PRKG1: variants seen among roughly 807,000 people sequenced by gnomAD.
PRKG1 encodes the protein protein kinase cGMP-dependent 1.
Under a neutral mutation model 88.1 loss-of-function variants are expected in PRKG1, and 35 were observed. The observed-to-expected ratio is 0.40, with a 90% CI of 0.30 to 0.53. The LOEUF (loss-of-function observed/expected upper bound fraction) is 0.53. PRKG1 is among the 20% of genes least tolerant of loss of function. The pLI, the probability that PRKG1 is intolerant of heterozygous loss-of-function variation, is 0.59. For missense variants in PRKG1, 540 were observed against 839.8 expected (o/e 0.64, Z 4.41); for synonymous variants, 303 against 292.5 (o/e 1.04, Z -0.37).
chr10:52,161,933 A>G lies in PRKG1; in HGVS notation c.1046A>G (p.Lys349Arg). 6.2e-7 allele frequency: 1 copy of G among 1,612,478 alleles called. No homozygotes were observed. ...LIGGLDDVSN[K>R]AYEDAEAKAK... Reference sequence around the variant, plus strand: ...GGAGGGCTGGATGATGTTTCTAATAAAGCATATGAAGATGCAGAAGCTAAA... The same window carrying G: ...GGAGGGCTGGATGATGTTTCTAATAGAGCATATGAAGATGCAGAAGCTAAA... Residue 349 changes from lysine to arginine, a missense_variant, in exon 9 of 18, where the codon AAA (lysine) becomes AGA (arginine). Physicochemically the swap from Lys to Arg is conservative, Grantham distance 26. Coordinates refer to ENST00000373980, the MANE Select transcript of PRKG1 (RefSeq NM_006258.4).
chr10:51,359,491 T>C (rs571252673), intron 2 of PRKG1, among the ~76,000 whole-genome samples: 31 of 151,944 alleles, frequency 2.0e-4, no homozygotes, highest in African/African-American at 7.2e-4. Flanking sequence ...GGGTCCATTA[T>C]TATTATTAAC....
At chr10:51,194,851 C>T (rs1445591227) in intron 2 of PRKG1, among the ~76,000 whole-genome samples, 1 of 151,998 alleles carries the variant, frequency 6.6e-6, no homozygotes, top group Non-Finnish European at 1.5e-5. Context: ...AGAGAGAAAG[C>T]GGGAACCAAA....
intron 3 of PRKG1, among the ~76,000 whole-genome samples, chr10:51,755,770 C>T (rs1048142859): frequency 6.6e-6 from 1 of 152,158 alleles, no homozygotes; most frequent in African/African-American, 2.4e-5. Context: ...ATTACCTTTC[C>T]TGTGTACAGA....
At chr10:51,783,728 G>A (rs1274331842) in intron 3 of PRKG1, among the ~76,000 whole-genome samples, 1 of 152,082 alleles carries the variant, frequency 6.6e-6, no homozygotes, top group Admixed American at 6.6e-5. Context: ...CCCTCCAGGG[G>A]ATTTTGATTA....
At chr10:51,237,347 C>T (rs1420595222) in intron 2 of PRKG1, among the ~76,000 whole-genome samples, 2 of 152,214 alleles carry the variant, frequency 1.3e-5, no homozygotes, top group Non-Finnish European at 2.9e-5. Flanking sequence ...AAGCGCAGGG[C>T]TCTAGGGACA....
intron 4 of PRKG1, among the ~76,000 whole-genome samples, chr10:51,810,684 A>G (rs946532258): frequency 4.6e-5 from 7 of 151,304 alleles, no homozygotes; most frequent in African/African-American, 1.7e-4. Flanking sequence ...ATATATATGT[A>G]TTATGAATGT....
At chr10:51,405,137 T>C (rs1837873383) in intron 2 of PRKG1, among the ~76,000 whole-genome samples, 1 of 152,218 alleles carries the variant, frequency 6.6e-6, no homozygotes, top group Admixed American at 6.5e-5. Context: ...ATAATGTTTA[T>C]TTTTGTGCCA....
At chr10:51,017,867 A>T (rs1843088890) in intron 1 of PRKG1, among the ~76,000 whole-genome samples, 1 of 152,056 alleles carries the variant, frequency 6.6e-6, no homozygotes. Flanking sequence ...TGGCACTATC[A>T]TGGCTCACTG....
intron 1 of PRKG1, among the ~76,000 whole-genome samples, chr10:51,132,031 C>T (rs1845578695): frequency 6.6e-6 from 1 of 152,126 alleles, no homozygotes; most frequent in South Asian, 2.1e-4. Flanking sequence ...TCCCAGCCCA[C>T]CCCTCTGTCT....
chr10:51,897,562 TA>T (rs936345811), intron 4 of PRKG1, among the ~76,000 whole-genome samples: 1 of 152,220 alleles, frequency 6.6e-6, no homozygotes, highest in Non-Finnish European at 1.5e-5. Flanking sequence ...TCAAACCCTT[TA>T]TTACTAACTT....
intron 3 of PRKG1, among the ~76,000 whole-genome samples, chr10:51,654,699 T>G (rs1408729804): frequency 6.6e-6 from 1 of 152,210 alleles, no homozygotes; most frequent in Non-Finnish European, 1.5e-5. Flanking sequence ...GATAACATAT[T>G]CTTCATACTT....
chr10:51,908,701 C>CTATA (rs1213755149), intron 5 of PRKG1: 1 of 69,760 alleles, frequency 1.4e-5, no homozygotes, highest in Non-Finnish European at 2.9e-5. Flanking sequence ...GACTCTCTCT[C>CTATA]TCTCTCTCTC....
At chr10:51,448,696 T>TA (rs1839347248) in intron 2 of PRKG1, among the ~76,000 whole-genome samples, 1 of 151,994 alleles carries the variant, frequency 6.6e-6, no homozygotes, top group Admixed American at 6.6e-5. Flanking sequence ...ATGATTTTTT[T>TA]AAAAAAGATA....
chr10:51,847,110 C>T (rs1360964468), intron 4 of PRKG1, among the ~76,000 whole-genome samples: 1 of 152,096 alleles, frequency 6.6e-6, no homozygotes, highest in Non-Finnish European at 1.5e-5. Context: ...CTTGGCCTCC[C>T]TGAATCTCAG....
rs114755547 is a variant in PRKG1, at chr10:51,261,694, A to C, written c.478+108364A>C. Among the ~76,000 whole-genome samples, 1,155 of 151,912 alleles carry C rather than the reference A, an allele frequency of 7.6e-3. 13 individuals are homozygous for C. The highest frequency in any genetic ancestry group is 0.025 in the African/African-American group (1,055 of 41,410). On this transcript the variant is annotated intron_variant, in intron 2 of 17. Coordinates refer to ENST00000373980, the MANE Select transcript of PRKG1 (RefSeq NM_006258.4). ...CACTGTACATTAGCCCCAATATTTT[A>C]TTTTATTCTCATCATTCTCTGAAGC...
chr10:51,701,299 C>CA (rs35197923), intron 3 of PRKG1, among the ~76,000 whole-genome samples: 16 of 151,930 alleles, frequency 1.1e-4, no homozygotes, highest in Non-Finnish European at 2.2e-4. Context: ...TAAATTTCAG[C>CA]AAAAAAATTG....
chr10:52,162,215 C>G (rs777455390), intron 9 of PRKG1, among the ~76,000 whole-genome samples: 1 of 151,984 alleles, frequency 6.6e-6, no homozygotes, highest in Non-Finnish European at 1.5e-5. Flanking sequence ...ATTTTAAAAT[C>G]TAATATAAAC....
chr10:51,886,721 T>C (rs1841579333), intron 4 of PRKG1, among the ~76,000 whole-genome samples: 1 of 152,216 alleles, frequency 6.6e-6, no homozygotes, highest in Admixed American at 6.5e-5. Context: ...AGCATTTATT[T>C]CTTTTTTAGG....
intron 9 of PRKG1, among the ~76,000 whole-genome samples, chr10:52,243,828 G>A (rs1840930162): frequency 6.6e-6 from 1 of 152,090 alleles, no homozygotes; most frequent in African/African-American, 2.4e-5. Context: ...TTATTATGCA[G>A]CAGATATACG....
Sources: gnomAD v4.1 joint callset for allele counts (sites outside exome capture counted in the v4.1 genomes callset) on GRCh38, gnomAD v4.1.1 for gene constraint, MANE v1.5 for transcripts, NCBI Gene and HGNC (gene_info 2026-07-23, HGNC 2026-07-21) for gene names.